The following ST3GAL3 variants were observed in gnomAD, a reference collection of about 807,000 sequenced individuals.
ST3GAL3 encodes the protein ST3 beta-galactoside alpha-2,3-sialyltransferase 3, also known as CMP-N-acetylneuraminate-beta-1,4-galactoside alpha-2,3-sialyltransferase.
A neutral mutation model predicts 50.1 loss-of-function variants in ST3GAL3; 21 were observed. That is an observed-to-expected ratio of 0.42 (90% CI 0.30 to 0.60). ST3GAL3 has a LOEUF of 0.60. Ranked by LOEUF, ST3GAL3 falls within the 20% of genes least tolerant of loss-of-function variation. The probability of loss-of-function intolerance (pLI) is 0.19; values close to 1 mark genes in which losing one functional copy is unlikely to be tolerated. For missense variants in ST3GAL3, 353 were observed against 489.4 expected (o/e 0.72, Z 2.63); for synonymous variants, 183 against 190.0 (o/e 0.96, Z 0.30).
chr1:43,865,152 G>A (rs2071011914), intron 5 of ST3GAL3, among the ~76,000 whole-genome samples: 2 of 151,916 alleles, frequency 1.3e-5, no homozygotes, highest in African/African-American at 4.8e-5. Flanking sequence ...GAGTAGCTGG[G>A]ACTACAGGCA....
At chr1:43,919,069 CTTTTTTTT>C (rs1170641209) in intron 9 of ST3GAL3, 15 of 60,326 alleles carry the variant, frequency 2.5e-4, no homozygotes, top group Non-Finnish European at 3.5e-4. Context: ...TTCTTTGTTT[CTTTTTTTT>C]TTTTTTTTTT....
chr1:43,777,188 T>C (rs1697592413), intron 2 of ST3GAL3, among the ~76,000 whole-genome samples: 1 of 152,216 alleles, frequency 6.6e-6, no homozygotes, highest in Admixed American at 6.5e-5. Context: ...CTCTAAGTCA[T>C]ACGATCTTTT....
At chr1:43,762,020 C>T (rs1260604617) in intron 2 of ST3GAL3, among the ~76,000 whole-genome samples, 1 of 147,690 alleles carries the variant, frequency 6.8e-6, no homozygotes, top group Non-Finnish European at 1.5e-5. Context: ...AATCCCAGCA[C>T]TTTGGGAGGC....
At chr1:43,930,061 G>A (rs1557611092) in intron 11 of ST3GAL3, 71 bp from the exon 12 acceptor site, 5 of 1,300,526 alleles carry the variant, frequency 3.8e-6, no homozygotes, top group Non-Finnish European at 5.6e-6. Flanking sequence ...GACGAAGAAG[G>A]CACCGAGCCC....
chr1:43,799,024 AC>A (rs1344135589), intron 3 of ST3GAL3, among the ~76,000 whole-genome samples: 3 of 152,242 alleles, frequency 2.0e-5, no homozygotes, highest in Non-Finnish European at 4.4e-5. Context: ...ATTGACACAG[AC>A]GATGTCGAGG....
At chr1:43,720,907 T>C (rs916895109) in intron 1 of ST3GAL3, among the ~76,000 whole-genome samples, 1 of 152,074 alleles carries the variant, frequency 6.6e-6, no homozygotes, top group African/African-American at 2.4e-5. Flanking sequence ...ATAAATAAAA[T>C]ATGGTATATT....
chr1:43,893,018 A>G (rs1347045321), intron 5 of ST3GAL3, among the ~76,000 whole-genome samples: 1 of 152,320 alleles, frequency 6.6e-6, no homozygotes, highest in Non-Finnish European at 1.5e-5. Context: ...CTGGGACCCA[A>G]CTCAGAGCTC....
At chr1:43,799,100 T>G (rs1253531915) in intron 3 of ST3GAL3, among the ~76,000 whole-genome samples, 2 of 152,238 alleles carry the variant, frequency 1.3e-5, no homozygotes, top group African/African-American at 4.8e-5. Flanking sequence ...GGTAAAATTA[T>G]GTATGTACGT....
chr1:43,845,805 C>T (rs1250376485), intron 5 of ST3GAL3, among the ~76,000 whole-genome samples: 1 of 151,918 alleles, frequency 6.6e-6, no homozygotes, highest in African/African-American at 2.4e-5. Context: ...ATTGCATTGA[C>T]TACATCTTAC....
At chr1:43,713,366 A>G (rs1178746664) in intron 1 of ST3GAL3, among the ~76,000 whole-genome samples, 2 of 152,206 alleles carry the variant, frequency 1.3e-5, no homozygotes, top group Admixed American at 6.5e-5. Context: ...GAATAGGTGT[A>G]AAAAGCCTGG....
chr1:43,768,093 G>T (rs1693782489), intron 2 of ST3GAL3, among the ~76,000 whole-genome samples: 1 of 152,084 alleles, frequency 6.6e-6, no homozygotes, highest in African/African-American at 2.4e-5. Flanking sequence ...TCTTTCAAAA[G>T]ATTAACATAC....
Position 43,757,309 on chromosome 1 carries a change from A to AT in ST3GAL3, c.118+20933dup, listed in dbSNP as rs577732751. ...TTGCTTTGGTAGAAATTGAAAACTG[A>AT]TTTTAAAACTTATATAGAAATATAG... On this transcript the variant is annotated intron_variant, in intron 2 of 11. Coordinates refer to ENST00000347631, the MANE Select transcript of ST3GAL3 (RefSeq NM_006279.5). Among the ~76,000 whole-genome samples the AT allele has an allele frequency of 1.1e-3, 174 of 152,304 alleles. 1 individual carries two copies. Among genetic ancestry groups the AT allele is most frequent in the African/African-American group, 3.9e-3 (162 of 41,570 alleles).
At chr1:43,803,106 A>G (rs571288196) in intron 3 of ST3GAL3, among the ~76,000 whole-genome samples, 1 of 152,136 alleles carries the variant, frequency 6.6e-6, no homozygotes, top group East Asian at 1.9e-4. Context: ...TTGTATTTTT[A>G]GTAGAGACGG....
At chr1:43,801,534 G>A (rs965646575) in intron 3 of ST3GAL3, 4 of 360,370 alleles carry the variant, frequency 1.1e-5, no homozygotes, top group South Asian at 4.2e-5. Context: ...CCAACTGCAC[G>A]TCAGAATGTA....
intron 1 of ST3GAL3, among the ~76,000 whole-genome samples, chr1:43,728,990 A>G (rs1674352476): frequency 1.3e-5 from 2 of 152,052 alleles, no homozygotes; most frequent in South Asian, 4.1e-4. Flanking sequence ...CCTAGGCTCA[A>G]GTGCTCCTCC....
At chr1:43,917,692 A>C (rs1436254092) in intron 9 of ST3GAL3, among the ~76,000 whole-genome samples, 1 of 122,336 alleles carries the variant, frequency 8.2e-6, no homozygotes, top group Non-Finnish European at 1.6e-5. Context: ...TATTTTAAAC[A>C]GAGTCTCACT....
intron 5 of ST3GAL3, among the ~76,000 whole-genome samples, chr1:43,861,300 T>C (rs1201009830): frequency 1.3e-5 from 2 of 152,202 alleles, no homozygotes; most frequent in African/African-American, 4.8e-5. Context: ...CACTAAATAA[T>C]GTCCATGACA....
intron 5 of ST3GAL3, chr1:43,839,602 G>A (rs958170793): frequency 6.6e-6 from 1 of 152,174 alleles, no homozygotes; most frequent in Admixed American, 6.5e-5. Flanking sequence ...TACCAAAAGT[G>A]GGAACATAAC....
intron 11 of ST3GAL3, among the ~76,000 whole-genome samples, chr1:43,921,222 AGTTCCT>A (rs2082981348): frequency 6.6e-6 from 1 of 152,104 alleles, no homozygotes; most frequent in Non-Finnish European, 1.5e-5. Context: ...TCTCTACTGC[AGTTCCT>A]GCCTTCCCCC....
Sources: gnomAD v4.1 joint callset for allele counts (sites outside exome capture counted in the v4.1 genomes callset) on GRCh38, gnomAD v4.1.1 for gene constraint, MANE v1.5 for transcripts, NCBI Gene and HGNC (gene_info 2026-07-23, HGNC 2026-07-21) for gene names.